Variants in PHIP observed in about 807,000 individuals in gnomAD.
PHIP encodes PH-interacting protein.
A neutral mutation model predicts 236.8 loss-of-function variants in PHIP; 54 were observed. The ratio of observed to expected loss-of-function variants is 0.23; its 90% CI spans 0.18 to 0.29. PHIP has a LOEUF of 0.29. PHIP is among the 10% of genes least tolerant of loss of function. The pLI is 1.00. For missense variants in PHIP, 1,370 were observed against 2,190.8 expected (o/e 0.63, Z 7.48); for synonymous variants, 756 against 718.9 (o/e 1.05, Z -0.83).
chr6:78,950,057 C>T (rs1774059488), intron 35 of PHIP, among the ~76,000 whole-genome samples: 1 of 152,058 alleles, frequency 6.6e-6, no homozygotes, highest in Non-Finnish European at 1.5e-5. Flanking sequence ...ACCGCACTGA[C>T]TTTACCATAA....
intron 19 of PHIP, among the ~76,000 whole-genome samples, chr6:78,996,479 G>A (rs532812599): frequency 1.8e-4 from 27 of 152,106 alleles, no homozygotes; most frequent in African/African-American, 6.3e-4. Flanking sequence ...TTGAAAAAAT[G>A]GGCATTATTT....
chr6:78,941,339 G>C lies in PHIP; in HGVS notation c.4829-9C>G, dbSNP rs369383951. On this transcript the variant is annotated splice_polypyrimidine_tract_variant and intron_variant, in intron 39 of 39. Coordinates refer to ENST00000275034, the MANE Select transcript of PHIP (RefSeq NM_017934.7). ...GTTGTTCTTACAATCTCCTAAAAGG[G>C]AACAACAGTACACTTAATATATGGA... 10 of 1,605,070 alleles carry C rather than the reference G, an allele frequency of 6.2e-6. No individual in the cohort carries two copies. The highest frequency in any genetic ancestry group is 7.7e-6 in the Non-Finnish European group (9 of 1,174,932).
At chr6:78,974,847 C>T (rs1356917847) in intron 24 of PHIP, among the ~76,000 whole-genome samples, 1 of 150,738 alleles carries the variant, frequency 6.6e-6, no homozygotes, top group East Asian at 1.9e-4. Context: ...TCTGAATAGA[C>T]CAATAACAAG....
At chr6:79,071,843 G>C (rs1773893219) in intron 4 of PHIP, among the ~76,000 whole-genome samples, 1 of 151,792 alleles carries the variant, frequency 6.6e-6, no homozygotes, top group African/African-American at 2.4e-5. Flanking sequence ...CAAAACTTGA[G>C]AAAGGGAAGA....
intron 6 of PHIP, among the ~76,000 whole-genome samples, chr6:79,043,921 T>C (rs1353795418): frequency 6.6e-6 from 1 of 151,154 alleles, no homozygotes; most frequent in Non-Finnish European, 1.5e-5. Flanking sequence ...GAAAACTAAA[T>C]ATATATACAA....
chr6:79,015,569 G>A, intron 14 of PHIP, 61 bp downstream of exon 14: 7 of 1,241,516 alleles, frequency 5.6e-6, no homozygotes, highest in Non-Finnish European at 6.8e-6. Flanking sequence ...TCCTCAATGA[G>A]AATGTTTCAT....
intron 14 of PHIP, 70 bp from the exon 15 acceptor site, chr6:79,015,286 A>T: frequency 1.6e-6 from 2 of 1,214,030 alleles, no homozygotes; most frequent in Non-Finnish European, 2.4e-6. Context: ...ATAATGAAAT[A>T]CCAATATGGC....
At position 78,945,424 on chromosome 6, in the gene PHIP, A is replaced by G. The variant is rs781748135; in HGVS notation, c.4704T>C (p.His1568=). The change falls in exon 39 of 40, where the codon CAT becomes CAC. Residue 1568 remains histidine (H), a synonymous_variant. Transcript: ENST00000275034. ...CTTTTGCAGAATTATTCCTAGTGCCATGACTAAAACTGGATTGACCAGGAC... is the reference window on the plus strand; with the variant it reads ...CTTTTGCAGAATTATTCCTAGTGCCGTGACTAAAACTGGATTGACCAGGAC... ...LSSPGQSSFS[H]GTRNNSAKEN... 41 of 1,611,752 alleles carry G rather than the reference A, an allele frequency of 2.5e-5. No individual in the cohort carries two copies. In the South Asian group the frequency reaches 4.3e-4, roughly 17 times the overall value.
At chr6:79,056,818 T>C (rs770420239) in intron 6 of PHIP, among the ~76,000 whole-genome samples, 31 of 152,264 alleles carry the variant, frequency 2.0e-4, no homozygotes, top group East Asian at 1.9e-4. Context: ...AGAGGTCTTG[T>C]TCTTGCTTAT....
intron 19 of PHIP, among the ~76,000 whole-genome samples, chr6:78,994,468 T>C (rs1307677906): frequency 2.0e-5 from 3 of 152,036 alleles, no homozygotes; most frequent in Non-Finnish European, 4.4e-5. Context: ...TCCCAGCTAC[T>C]GGGAAGGCTG....
At chr6:78,992,733 C>T (rs531083416) in intron 19 of PHIP, among the ~76,000 whole-genome samples, 1 of 152,220 alleles carries the variant, frequency 6.6e-6, no homozygotes, top group Non-Finnish European at 1.5e-5. Context: ...ACAAATGTTA[C>T]GTGTGTTCTG....
intron 20 of PHIP, among the ~76,000 whole-genome samples, chr6:78,990,657 G>C (rs892042966): frequency 2.0e-5 from 3 of 151,930 alleles, no homozygotes; most frequent in African/African-American, 4.8e-5. Flanking sequence ...TGTAAGAATT[G>C]GCACTTTGGG....
At chr6:79,072,113 T>A (rs1340348434) in intron 4 of PHIP, among the ~76,000 whole-genome samples, 1 of 152,202 alleles carries the variant, frequency 6.6e-6, no homozygotes, top group Admixed American at 6.5e-5. Flanking sequence ...ATCTCTTCTC[T>A]GACAGTTTCC....
chr6:79,020,898 G>A (rs565972576), intron 9 of PHIP, among the ~76,000 whole-genome samples: 23 of 152,128 alleles, frequency 1.5e-4, no homozygotes, highest in African/African-American at 5.5e-4. Context: ...AATGACAAAA[G>A]CAATGAAATT....
At position 79,069,989 on chromosome 6, in the gene PHIP, CA is replaced by C. The variant is rs966930828; in HGVS notation, c.189+7458del. 1.0e-3 allele frequency among the ~76,000 whole-genome samples: 158 copies of C among 151,356 alleles called. 1 individual carries two copies. The highest frequency in any genetic ancestry group is 2.0e-3 in the Non-Finnish European group (133 of 67,788). On this transcript the variant is annotated intron_variant, in intron 4 of 39. Coordinates refer to ENST00000275034, the MANE Select transcript of PHIP (RefSeq NM_017934.7). The stretch of plus-strand genomic sequence containing the variant: ...AATGCAATACTATAAGAAAAACAAA[CA>C]AAAAAAGAAAATGCAATACTACGCT...
chr6:79,073,784 G>A (rs1266491372), intron 4 of PHIP, among the ~76,000 whole-genome samples: 1 of 152,120 alleles, frequency 6.6e-6, no homozygotes, highest in Admixed American at 6.5e-5. Flanking sequence ...AACGTAGTTA[G>A]TGTCTCAAAT....
rs191524835 is a variant in PHIP at position 79,057,597 on chromosome 6, G to A, written c.439+2881C>T. On this transcript the variant is annotated intron_variant, in intron 6 of 39. Transcript: ENST00000275034. The stretch of plus-strand genomic sequence containing the variant: ...ATATTAAACGTTTAAATCTACGTAC[G>A]TATCTTAAGAAAAGCTAAAATATCA... 1.8e-3 allele frequency among the ~76,000 whole-genome samples: 268 copies of A among 152,090 alleles called. 1 individual carries two copies. The highest frequency in any genetic ancestry group is 5.1e-3 in the African/African-American group (213 of 41,498).
Position 78,935,914 on chromosome 6 carries a change from T to C in PHIP, c.*4779A>G, listed in dbSNP as rs999046834. The stretch of plus-strand genomic sequence containing the variant: ...TATTTATTTAAAAATAAGTTTGTAG[T>C]TACTACATTGCAGGGACAGGTATTC... On this transcript the variant is annotated 3_prime_UTR_variant, in exon 40 of 40. Coordinates refer to ENST00000275034, the MANE Select transcript of PHIP (RefSeq NM_017934.7). 1 of 188,368 alleles carries C rather than the reference T, an allele frequency of 5.3e-6. No homozygotes were observed. The highest frequency in any genetic ancestry group is 2.4e-5 in the African/African-American group (1 of 42,096). 11.7% of individuals were successfully genotyped at this position (188,368 alleles called of 1,614,324 possible).
rs534915787 is a variant in PHIP, at chr6:79,014,884, T to C, written c.1524+198A>G. On this transcript the variant is annotated intron_variant, in intron 15 of 39. Transcript: ENST00000275034. Reference sequence around the variant, plus strand: ...ATCAGTTATCACAATGTACAGGCACTGTAATATGCACAATTAATTTTCTTT... The same window carrying C: ...ATCAGTTATCACAATGTACAGGCACCGTAATATGCACAATTAATTTTCTTT... 8.9e-4 allele frequency among the ~76,000 whole-genome samples: 136 copies of C among 152,000 alleles called. 1 individual carries two copies. The highest frequency in any genetic ancestry group is 2.9e-3 in the African/African-American group (119 of 41,546).
Sources: allele counts gnomAD v4.1 joint callset (sites outside exome capture counted in the v4.1 genomes callset), GRCh38; gene constraint gnomAD v4.1.1; transcripts MANE v1.5; gene names NCBI Gene and HGNC (gene_info 2026-07-23, HGNC 2026-07-21).